CPVL: variants seen among roughly 807,000 people sequenced by gnomAD.
CPVL encodes the protein probable serine carboxypeptidase CPVL.
Under a neutral mutation model 63.7 loss-of-function variants are expected in CPVL, and 51 were observed. The observed-to-expected ratio is 0.80, with a 90% confidence interval of 0.64 to 1.01. The LOEUF (loss-of-function observed/expected upper bound fraction) is 1.01. Among genes scored for constraint, CPVL ranks in the 50% least tolerant of loss-of-function variants. The probability of loss-of-function intolerance (pLI) is 0.00; values close to 1 mark genes in which losing one functional copy is unlikely to be tolerated. For synonymous variants in CPVL, 195 were observed against 206.0 expected (o/e 0.95, Z 0.46); for missense variants, 530 against 573.1 (o/e 0.92, Z 0.77).
chr7:29,026,655 G>A (rs1044239170), intron 12 of CPVL, among the ~76,000 whole-genome samples: 1 of 151,916 alleles, frequency 6.6e-6, no homozygotes, highest in Admixed American at 6.6e-5. Context: ...AATGGAAAAG[G>A]AGACATTACA....
At chr7:29,013,486 A>C (rs966459560) in intron 12 of CPVL, 5 of 152,226 alleles carry the variant, frequency 3.3e-5, no homozygotes, top group Non-Finnish European at 2.9e-5. Flanking sequence ...TCTTGATATG[A>C]GTTAAAAACC....
chr7:29,133,234 G>A (rs574377990), intron 1 of CPVL, among the ~76,000 whole-genome samples: 2 of 149,702 alleles, frequency 1.3e-5, no homozygotes, highest in Non-Finnish European at 3.0e-5. Flanking sequence ...CTTTCTTAAT[G>A]TATTCTGACT....
intron 11 of CPVL, among the ~76,000 whole-genome samples, chr7:29,044,214 C>T (rs1789399257): frequency 6.6e-6 from 1 of 152,018 alleles, no homozygotes; most frequent in Non-Finnish European, 1.5e-5. Context: ...GTGAGGAGTT[C>T]AAGACCAGCC....
intron 5 of CPVL, among the ~76,000 whole-genome samples, chr7:29,161,512 T>C (rs1018774662): frequency 7.9e-5 from 12 of 152,154 alleles, no homozygotes; most frequent in African/African-American, 2.2e-4. Flanking sequence ...CACTTTAACT[T>C]TTCATACCCA....
intron 5 of CPVL, among the ~76,000 whole-genome samples, chr7:29,161,588 A>G (rs910070664): frequency 6.6e-6 from 1 of 152,172 alleles, no homozygotes; most frequent in Non-Finnish European, 1.5e-5. Context: ...AATTCCATGT[A>G]TTCTCTAAGC....
At chr7:29,169,873 T>TGC (rs1796382273) in intron 5 of CPVL, among the ~76,000 whole-genome samples, 1 of 146,748 alleles carries the variant, frequency 6.8e-6, no homozygotes, top group African/African-American at 2.6e-5. Flanking sequence ...TGTGTGTGTG[T>TGC]GTGTGTGTAT....
intron 9 of CPVL, among the ~76,000 whole-genome samples, chr7:29,068,223 A>G (rs1389543993): frequency 6.6e-6 from 1 of 151,710 alleles, no homozygotes; most frequent in Non-Finnish European, 1.5e-5. Flanking sequence ...CACCATGTTG[A>G]TCAGGCTGGT....
intron 7 of CPVL, among the ~76,000 whole-genome samples, chr7:29,082,054 T>C (rs1251313185): frequency 6.6e-6 from 1 of 152,220 alleles, no homozygotes; most frequent in Non-Finnish European, 1.5e-5. Flanking sequence ...AAGATGGCTC[T>C]ACAAACTCAG....
chr7:29,138,722 C>G (rs1791523331), intron 1 of CPVL, among the ~76,000 whole-genome samples: 3 of 152,168 alleles, frequency 2.0e-5, no homozygotes, highest in Non-Finnish European at 4.4e-5. Context: ...GATGGACAGT[C>G]CTTTTTTCTG....
chr7:29,139,497 A>T (rs1367572013), intron 1 of CPVL, among the ~76,000 whole-genome samples: 1 of 151,624 alleles, frequency 6.6e-6, no homozygotes, highest in African/African-American at 2.4e-5. Flanking sequence ...CAGTGTTCGT[A>T]AGACAACCTA....
intron 1 of CPVL, chr7:29,193,217 G>A (rs566610965): frequency 6.6e-6 from 1 of 152,180 alleles, no homozygotes; most frequent in South Asian, 2.1e-4. Flanking sequence ...TTAAAAAATG[G>A]ACCTTAATGA....
chr7:29,188,317 C>T (rs1223742424), intron 1 of CPVL, among the ~76,000 whole-genome samples: 1 of 152,162 alleles, frequency 6.6e-6, no homozygotes, highest in East Asian at 1.9e-4. Flanking sequence ...CTCAGGGTCA[C>T]ACAGCTAATA....
At chr7:29,073,313 T>C (rs755074578) in intron 7 of CPVL, among the ~76,000 whole-genome samples, 1 of 152,200 alleles carries the variant, frequency 6.6e-6, no homozygotes, top group Non-Finnish European at 1.5e-5. Flanking sequence ...CTACCTATTC[T>C]AACAAAATCT....
intron 2 of CPVL, among the ~76,000 whole-genome samples, chr7:29,114,302 T>C (rs1788548423): frequency 6.6e-6 from 1 of 152,110 alleles, no homozygotes; most frequent in Admixed American, 6.5e-5. Flanking sequence ...TCATTCCCAC[T>C]TTACAGATAA....
At chr7:29,188,652 T>A (rs1397317760) in intron 1 of CPVL, among the ~76,000 whole-genome samples, 1 of 152,040 alleles carries the variant, frequency 6.6e-6, no homozygotes, top group Admixed American at 6.6e-5. Flanking sequence ...ACATTCAGAG[T>A]ACAGGATCTG....
intron 12 of CPVL, chr7:29,010,511 A>C (rs950969310): frequency 1.1e-4 from 16 of 152,324 alleles, no homozygotes; most frequent in African/African-American, 3.8e-4. Flanking sequence ...GTCATATAGC[A>C]AAATGTCCAA....
chr7:29,151,972 G>T (rs568571755), intron 5 of CPVL, among the ~76,000 whole-genome samples: 3 of 152,308 alleles, frequency 2.0e-5, no homozygotes, highest in South Asian at 2.1e-4. Flanking sequence ...GTAGTATTTG[G>T]AGTCTCCTCT....
chr7:29,159,110 C>T (rs1333907717), intron 5 of CPVL, among the ~76,000 whole-genome samples: 1 of 152,172 alleles, frequency 6.6e-6, no homozygotes, highest in South Asian at 2.1e-4. Flanking sequence ...TCCTAATGGG[C>T]TACACAGCAC....
chr7:29,046,768 G>T (rs1181629908), intron 11 of CPVL, among the ~76,000 whole-genome samples: 2 of 152,144 alleles, frequency 1.3e-5, no homozygotes, highest in African/African-American at 2.4e-5. Context: ...CCTCTCCAAA[G>T]AGCAGAGATT....
Sources: allele counts gnomAD v4.1 joint callset (sites outside exome capture counted in the v4.1 genomes callset), GRCh38; gene constraint gnomAD v4.1.1; transcripts MANE v1.5; gene names NCBI Gene and HGNC (gene_info 2026-07-23, HGNC 2026-07-21).